GAREM1: variants seen among roughly 807,000 people sequenced by gnomAD.
GAREM1 encodes the protein GRB2 associated regulator of MAPK1 subtype 1.
In GAREM1, 26 loss-of-function variants were observed where a neutral mutation model predicts 71.3. The observed-to-expected ratio is 0.36, with a 90% CI of 0.27 to 0.51. The LOEUF is 0.51. Among genes scored for constraint, GAREM1 ranks in the 20% least tolerant of loss-of-function variants. The probability of loss-of-function intolerance (pLI) is 0.95; values close to 1 mark genes in which losing one functional copy is unlikely to be tolerated. For synonymous variants in GAREM1, 440 were observed against 433.2 expected (o/e 1.02, Z -0.20); for missense variants, 1,026 against 1,103.1 (o/e 0.93, Z 0.99).
intron 1 of GAREM1, among the ~76,000 whole-genome samples, chr18:32,444,823 T>C (rs1172982800): frequency 6.6e-6 from 1 of 152,180 alleles, no homozygotes; most frequent in African/African-American, 2.4e-5. Flanking sequence ...CATATGTTCC[T>C]AAGGCACGAA....
rs183010441 is a variant in GAREM1, at chr18:32,336,158, C to T, written c.263-25835G>A. 7.2e-4 allele frequency among the ~76,000 whole-genome samples: 109 copies of T among 152,250 alleles called. No homozygotes were observed. In the East Asian group the frequency reaches 0.013, roughly 18 times the overall value. On this transcript the variant is annotated intron_variant, in intron 2 of 5. Coordinates refer to ENST00000269209, the MANE Select transcript of GAREM1 (RefSeq NM_001242409.2). ...TAAAAACCATACAGTAGGCCGGGCACGGTGGCTCACACCTGTAATCCTAGC... is the reference window on the plus strand; with the variant it reads ...TAAAAACCATACAGTAGGCCGGGCATGGTGGCTCACACCTGTAATCCTAGC...
At chr18:32,411,081 G>T (rs1043910758) in intron 1 of GAREM1, among the ~76,000 whole-genome samples, 1 of 152,166 alleles carries the variant, frequency 6.6e-6, no homozygotes, top group African/African-American at 2.4e-5. Flanking sequence ...GGGATTACAG[G>T]CATGAGCCAC....
intron 1 of GAREM1, among the ~76,000 whole-genome samples, chr18:32,431,431 C>G (rs759989477): frequency 1.3e-5 from 2 of 152,130 alleles, no homozygotes; most frequent in Non-Finnish European, 2.9e-5. Context: ...AGTTCAAGAC[C>G]AGCCTGGCCA....
chr18:32,416,543 G>A (rs956179816), intron 1 of GAREM1, among the ~76,000 whole-genome samples: 1 of 151,998 alleles, frequency 6.6e-6, no homozygotes, highest in African/African-American at 2.4e-5. Context: ...AAATGGAACA[G>A]GACAGAGAAC....
chr18:32,313,387 G>C (rs1406773403), intron 2 of GAREM1, among the ~76,000 whole-genome samples: 1 of 152,196 alleles, frequency 6.6e-6, no homozygotes, highest in Admixed American at 6.5e-5. Context: ...AGAGAAGTCA[G>C]TGCATGCAGT....
intron 1 of GAREM1, among the ~76,000 whole-genome samples, chr18:32,420,685 C>A (rs758702307): frequency 6.6e-6 from 1 of 150,618 alleles, no homozygotes; most frequent in Non-Finnish European, 1.5e-5. Flanking sequence ...CCAAGGCAGG[C>A]GGACAGCTTG....
At chr18:32,409,201 G>A (rs2048394351) in intron 1 of GAREM1, among the ~76,000 whole-genome samples, 1 of 152,126 alleles carries the variant, frequency 6.6e-6, no homozygotes, top group African/African-American at 2.4e-5. Context: ...ATAAATTGGT[G>A]TATGTTCAAG....
intron 1 of GAREM1, among the ~76,000 whole-genome samples, chr18:32,440,686 ATGAGTG>A (rs1427190144): frequency 6.6e-6 from 1 of 152,218 alleles, no homozygotes; most frequent in Non-Finnish European, 1.5e-5. Flanking sequence ...AACTTACAGA[ATGAGTG>A]TCAGTAGCTT....
chr18:32,457,220 A>AGTGTGTGTGT (rs1568018906), intron 1 of GAREM1, among the ~76,000 whole-genome samples: 1 of 109,330 alleles, frequency 9.1e-6, no homozygotes, highest in Non-Finnish European at 2.0e-5. Flanking sequence ...AGAGAGAGAG[A>AGTGTGTGTGT]GAGAGAGTGT....
intron 4 of GAREM1, among the ~76,000 whole-genome samples, chr18:32,279,630 T>C (rs1035588496): frequency 6.6e-6 from 1 of 152,152 alleles, no homozygotes; most frequent in African/African-American, 2.4e-5. Context: ...ATTATTTCAT[T>C]ATATATTACA....
chr18:32,470,140 G>T lies in GAREM1; in HGVS notation c.121+168C>A. 1.5e-6 allele frequency: 1 copy of T among 680,836 alleles called. No individual in the cohort carries two copies. The highest frequency in any genetic ancestry group is 3.5e-5 in the East Asian group (1 of 28,854). The allele number at this position is 680,836 out of a possible 1,614,324, so 42.2% of individuals were successfully genotyped here. On this transcript the variant is annotated intron_variant, in intron 1 of 5. Coordinates refer to ENST00000269209, the MANE Select transcript of GAREM1 (RefSeq NM_001242409.2). The surrounding 1 kb of genome is among the most constrained non-coding windows in gnomAD (Gnocchi z 4.4). ...CCACCTCCTTGTCTGCTGCTGGGGG[G>T]AGTTGAGAGCAACGCGCCAGGGCTG...
chr18:32,310,118 T>G lies in GAREM1; in HGVS notation c.393+75A>C. ...CTCCTAGGAGACACAGATGAACACT[T>G]ACTGTGTACATCCAGACTTGAAAGT... On this transcript the variant is annotated intron_variant, in intron 3 of 5. Transcript: ENST00000269209. 3 of 1,497,574 alleles carry G rather than the reference T, an allele frequency of 2.0e-6. No homozygotes were observed. In the Admixed American group the frequency reaches 5.2e-5, roughly 26 times the overall value. The allele number at this position is 1,497,574 out of a possible 1,614,324, so 92.8% of individuals were successfully genotyped here.
At chr18:32,444,440 T>C (rs901486602) in intron 1 of GAREM1, among the ~76,000 whole-genome samples, 4 of 152,174 alleles carry the variant, frequency 2.6e-5, no homozygotes, top group South Asian at 2.1e-4. Context: ...TTTAAGTGCA[T>C]GGCTAGGGTG....
Position 32,263,602 on chromosome 18 carries a change from T to G in GAREM1, c.*4269A>C, listed in dbSNP as rs1270946537. On this transcript the variant is annotated 3_prime_UTR_variant, in exon 6 of 6. Transcript: ENST00000269209. ...AAGGAAATTTTTAGACATAACATAC[T>G]GTGTTTATCTTGAGGTACACATTGG... 2.0e-5 allele frequency: 3 copies of G among 152,204 alleles called. No individual in the cohort carries two copies. The highest frequency in any genetic ancestry group is 7.2e-5 in the African/African-American group (3 of 41,454). 9.4% of individuals were successfully genotyped at this position (152,204 alleles called of 1,614,324 possible). A position where few individuals can be genotyped will look rare whatever the true frequency, so the allele number is the denominator to read the frequency against.
chr18:32,370,318 C>G (rs901198798), intron 2 of GAREM1, among the ~76,000 whole-genome samples: 1 of 151,670 alleles, frequency 6.6e-6, no homozygotes, highest in Non-Finnish European at 1.5e-5. Flanking sequence ...GTCCCAGCTA[C>G]CTGGGAGGCT....
At chr18:32,423,124 A>AGGGCT (rs2048536718) in intron 1 of GAREM1, among the ~76,000 whole-genome samples, 1 of 152,246 alleles carries the variant, frequency 6.6e-6, no homozygotes. Context: ...AACAGAGAGA[A>AGGGCT]GGGCTGGCTT....
intron 1 of GAREM1, among the ~76,000 whole-genome samples, chr18:32,461,602 G>A (rs2048954257): frequency 2.6e-5 from 4 of 152,090 alleles, no homozygotes; most frequent in Admixed American, 2.6e-4. Flanking sequence ...AGCTGAGGTG[G>A]CAGGATCACT....
chr18:32,358,763 A>G (rs1259651845), intron 2 of GAREM1, among the ~76,000 whole-genome samples: 1 of 152,134 alleles, frequency 6.6e-6, no homozygotes, highest in Non-Finnish European at 1.5e-5. Context: ...ACAGCAGGCC[A>G]CTAGGAGGTC....
At chr18:32,307,186 TATATCAGGATAC>T (rs2047264383) in intron 3 of GAREM1, among the ~76,000 whole-genome samples, 1 of 152,206 alleles carries the variant, frequency 6.6e-6, no homozygotes, top group Non-Finnish European at 1.5e-5. Flanking sequence ...TGTAAATAAA[TATATCAGGATAC>T]ATATGTATAT....
Sources: allele counts gnomAD v4.1 joint callset (sites outside exome capture counted in the v4.1 genomes callset), GRCh38; gene constraint gnomAD v4.1.1; non-coding constraint Gnocchi (gnomAD v3.1); transcripts MANE v1.5; gene names NCBI Gene and HGNC (gene_info 2026-07-23, HGNC 2026-07-21).